NSA2: variants seen among roughly 807,000 people sequenced by gnomAD.
NSA2 encodes ribosome biogenesis protein NSA2 homolog.
In NSA2, 18 loss-of-function variants were observed where a neutral mutation model predicts 34.8. The observed-to-expected ratio is 0.52, with a 90% CI of 0.36 to 0.77. NSA2 has a LOEUF of 0.77. NSA2 is among the 30% of genes least tolerant of loss of function. The probability of loss-of-function intolerance (pLI) is 0.00; values close to 1 mark genes in which losing one functional copy is unlikely to be tolerated. For missense variants in NSA2, 188 were observed against 314.7 expected (o/e 0.60, Z 3.05); for synonymous variants, 79 against 100.2 (o/e 0.79, Z 1.26).
chr5:74,770,050 G>T (rs760339810), intron 3 of NSA2, among the ~76,000 whole-genome samples: 1 of 152,112 alleles, frequency 6.6e-6, no homozygotes, highest in Non-Finnish European at 1.5e-5. Context: ...GTCACTATCG[G>T]CTGGGCACCG....
At chr5:74,776,287 C>G (rs1478450142) in intron 5 of NSA2, among the ~76,000 whole-genome samples, 1 of 152,088 alleles carries the variant, frequency 6.6e-6, no homozygotes, top group African/African-American at 2.4e-5. Context: ...ATCATTTGAG[C>G]TCAGGAGTTC....
intron 4 of NSA2, among the ~76,000 whole-genome samples, chr5:74,772,293 T>C (rs1053481779): frequency 6.6e-6 from 1 of 151,870 alleles, no homozygotes; most frequent in Non-Finnish European, 1.5e-5. Flanking sequence ...CCCGGCTAAT[T>C]TTTTTGTATT....
chr5:74,771,711 G>C (rs6870806), intron 4 of NSA2: 24,271 of 151,568 alleles, frequency 0.16, 2,354 homozygotes, highest in African/African-American at 0.27. Context: ...GAAATTAGCC[G>C]GGCATGGTGG....
intron 4 of NSA2, among the ~76,000 whole-genome samples, chr5:74,771,179 C>A (rs1233402274): frequency 6.6e-6 from 1 of 151,652 alleles, no homozygotes; most frequent in Non-Finnish European, 1.5e-5. Flanking sequence ...ACTAGGGAGG[C>A]TGAGGCAGGA....
At chr5:74,772,354 C>T (rs1003020113) in intron 4 of NSA2, among the ~76,000 whole-genome samples, 1 of 152,058 alleles carries the variant, frequency 6.6e-6, no homozygotes. Flanking sequence ...TCTCGATCTC[C>T]GTGATCCGCC....
intron 5 of NSA2, among the ~76,000 whole-genome samples, chr5:74,776,306 C>G (rs1745117953): frequency 6.6e-6 from 1 of 152,122 alleles, no homozygotes; most frequent in Non-Finnish European, 1.5e-5. Flanking sequence ...TCGAGCCCAG[C>G]CTGGGCAACA....
rs192576308 is a variant in NSA2, at chr5:74,778,833, A to G, written c.*2162A>G. 6.6e-6 allele frequency: 1 copy of G among 152,236 alleles called. No individual in the cohort carries two copies. Among genetic ancestry groups the G allele is most frequent in the Admixed American group, 6.5e-5 (1 of 15,300 alleles). 9.4% of individuals were successfully genotyped at this position (152,236 alleles called of 1,614,324 possible). On this transcript the variant is annotated 3_prime_UTR_variant, in exon 6 of 6. Transcript: ENST00000610426. The stretch of plus-strand genomic sequence containing the variant: ...AGGACTATGTGTAATGTGACTGGAC[A>G]TTCAACAACTAGACTAGCCGGTTGA...
chr5:74,772,627 G>A (rs1181298093), intron 4 of NSA2, among the ~76,000 whole-genome samples: 2 of 152,012 alleles, frequency 1.3e-5, no homozygotes, highest in African/African-American at 2.4e-5. Context: ...TGCCCACCCC[G>A]GATTATATCA....
In NSA2 at chr5:74,770,812, T is replaced by G; in HGVS notation, c.522+2T>G. On this transcript the variant is annotated splice_donor_variant, in intron 4 of 5. Transcript: ENST00000610426. LOFTEE classifies it high-confidence loss of function. ...TATGAAAGATTCATCAGGCCAATGGTAAGTCCTTGGAAGAGTGTAATGACC... is the reference window on the plus strand; with the variant it reads ...TATGAAAGATTCATCAGGCCAATGGGAAGTCCTTGGAAGAGTGTAATGACC... The G allele has an allele frequency of 6.3e-7, 1 of 1,597,502 alleles. No homozygotes were observed. Among genetic ancestry groups the G allele is most frequent in the East Asian group, 2.2e-5 (1 of 44,458 alleles).
At chr5:74,773,467 T>C (rs2112421591) in intron 4 of NSA2, among the ~76,000 whole-genome samples, 1 of 135,268 alleles carries the variant, frequency 7.4e-6, no homozygotes, top group East Asian at 2.2e-4. Flanking sequence ...ACCCCATCTC[T>C]ACCAAAAAAA....
chr5:74,774,098 C>T (rs1745033670), intron 5 of NSA2, 38 bp downstream of exon 5: 3 of 1,408,050 alleles, frequency 2.1e-6, no homozygotes, highest in Middle Eastern at 3.6e-4. Context: ...CTGTGTTCTG[C>T]AGTACTAATA....
At chr5:74,771,007 G>A (rs1744904849) in intron 4 of NSA2, among the ~76,000 whole-genome samples, 197 bp downstream of exon 4, 1 of 152,134 alleles carries the variant, frequency 6.6e-6, no homozygotes, top group Non-Finnish European at 1.5e-5. Context: ...GCCCAGTGCG[G>A]TGGCTCACAC....
chr5:74,776,065 A>T (rs1194633601), intron 5 of NSA2, among the ~76,000 whole-genome samples: 2 of 152,240 alleles, frequency 1.3e-5, no homozygotes, highest in Non-Finnish European at 2.9e-5. Flanking sequence ...AATAACATGG[A>T]GCTGGCCATT....
At chr5:74,773,068 TAA>T (rs1399513908) in intron 4 of NSA2, among the ~76,000 whole-genome samples, 4 of 152,182 alleles carry the variant, frequency 2.6e-5, no homozygotes, top group African/African-American at 9.7e-5. Flanking sequence ...CCGAGTTATA[TAA>T]AGACTTGGAA....
chr5:74,767,479 A>G (rs1255802426), intron 1 of NSA2, 116 bp downstream of exon 1: 3 of 1,284,024 alleles, frequency 2.3e-6, no homozygotes, highest in African/African-American at 1.5e-5. Context: ...AGAACTGCCA[A>G]GAGAAAAGGA....
At chr5:74,770,529 C>G in intron 3 of NSA2, 102 bp from the exon 4 acceptor site, 1 of 956,642 alleles carries the variant, frequency 1.0e-6, no homozygotes, top group Non-Finnish European at 1.5e-6. Context: ...GATGGTCAAG[C>G]AAAAAAAATA....
chr5:74,769,383 A>G lies in NSA2; in HGVS notation c.342+19A>G. On this transcript the variant is annotated intron_variant, in intron 3 of 5. Coordinates refer to ENST00000610426, the MANE Select transcript of NSA2 (RefSeq NM_014886.6). ...GAAGGCGGTAAGCAATAACAATTGAAGTCTTTGTTTTGTTTAGGAGAATTA... is the reference window on the plus strand; with the variant it reads ...GAAGGCGGTAAGCAATAACAATTGAGGTCTTTGTTTTGTTTAGGAGAATTA... The G allele has an allele frequency of 6.3e-7, 1 of 1,576,350 alleles. No homozygotes were observed. Among genetic ancestry groups the G allele is most frequent in the Non-Finnish European group, 8.6e-7 (1 of 1,166,798 alleles).
In NSA2 at chr5:74,770,827, G is replaced by C; in HGVS notation, c.522+17G>C. 1 of 1,518,584 alleles carries C rather than the reference G, an allele frequency of 6.6e-7. No homozygotes were observed. The highest frequency in any genetic ancestry group is 8.8e-7 in the Non-Finnish European group (1 of 1,133,346). 94.1% of individuals were successfully genotyped at this position (1,518,584 alleles called of 1,614,324 possible). ...AGGCCAATGGTAAGTCCTTGGAAGAGTGTAATGACCGAAATGTTAGTTGAC... is the reference window on the plus strand; with the variant it reads ...AGGCCAATGGTAAGTCCTTGGAAGACTGTAATGACCGAAATGTTAGTTGAC... On this transcript the variant is annotated intron_variant, in intron 4 of 5. Coordinates refer to ENST00000610426, the MANE Select transcript of NSA2 (RefSeq NM_014886.6).
Position 74,778,217 on chromosome 5 carries a change from G to A in NSA2, c.*1546G>A, listed in dbSNP as rs1349164625. 4 of 151,942 alleles carry A rather than the reference G, an allele frequency of 2.6e-5. No homozygotes were observed. The highest frequency in any genetic ancestry group is 4.8e-5 in the African/African-American group (2 of 41,416). 9.4% of individuals were successfully genotyped at this position (151,942 alleles called of 1,614,324 possible). A position where few individuals can be genotyped will look rare whatever the true frequency, so the allele number is the denominator to read the frequency against. ...AACATTTGTAACTAATCACACCCAT[G>A]AAAGACGACTAGATGACACCTGAAA... is the stretch of plus-strand genomic sequence containing the variant. On this transcript the variant is annotated 3_prime_UTR_variant, in exon 6 of 6. Transcript: ENST00000610426.
Sources: allele counts gnomAD v4.1 joint callset (sites outside exome capture counted in the v4.1 genomes callset), GRCh38; gene constraint gnomAD v4.1.1; transcripts MANE v1.5; gene names NCBI Gene and HGNC (gene_info 2026-07-23, HGNC 2026-07-21).